Variants in IGBP1C observed in about 807,000 individuals in gnomAD.
IGBP1C encodes IGBP1 family member C.
the IGBP1C span, among the ~76,000 whole-genome samples, chr17:58,668,920 G>A: frequency 6.6e-6 from 1 of 152,126 alleles, no homozygotes; most frequent in Non-Finnish European, 1.5e-5. Context: ...GCAAGTGAGT[G>A]TCATTTGTTC....
chr17:58,683,837 C>A, the IGBP1C span, among the ~76,000 whole-genome samples: 1 of 151,340 alleles, frequency 6.6e-6, no homozygotes, highest in African/African-American at 2.4e-5. Context: ...GAGGCTGAGG[C>A]GGGCGGATCA....
the IGBP1C span, among the ~76,000 whole-genome samples, chr17:58,685,868 A>C: frequency 1.3e-5 from 2 of 151,378 alleles, no homozygotes; most frequent in East Asian, 3.9e-4. Context: ...GGTGGTGTGC[A>C]CCTGTAATCC....
the IGBP1C span, among the ~76,000 whole-genome samples, chr17:58,680,463 C>T: frequency 9.2e-5 from 14 of 152,080 alleles, no homozygotes; most frequent in Admixed American, 3.3e-4. Flanking sequence ...TGAAGCAGGC[C>T]GGACGCTGTG....
chr17:58,687,943 T>A, the IGBP1C span, among the ~76,000 whole-genome samples: 20 of 152,214 alleles, frequency 1.3e-4, no homozygotes, highest in Non-Finnish European at 2.1e-4. Flanking sequence ...TTGTTTACCC[T>A]GTCATCTGGC....
the IGBP1C span, chr17:58,660,650 T>C: frequency 1.3e-6 from 1 of 786,942 alleles, no homozygotes; most frequent in Non-Finnish European, 2.4e-6. Flanking sequence ...TCGAGCTCTT[T>C]GGAGTGTTTG....
the IGBP1C span, among the ~76,000 whole-genome samples, chr17:58,672,667 A>T: frequency 6.6e-6 from 1 of 151,528 alleles, no homozygotes; most frequent in Non-Finnish European, 1.5e-5. Flanking sequence ...CTGGCCTCGA[A>T]CTCCTTGGCC....
At chr17:58,683,480 T>C in the IGBP1C span, among the ~76,000 whole-genome samples, 1 of 149,540 alleles carries the variant, frequency 6.7e-6, no homozygotes, top group Non-Finnish European at 1.5e-5. Flanking sequence ...GAGACAGAAT[T>C]GGCCAGGTGC....
the IGBP1C span, among the ~76,000 whole-genome samples, chr17:58,678,075 G>T: frequency 1.4e-4 from 21 of 152,154 alleles, no homozygotes; most frequent in Non-Finnish European, 2.5e-4. Flanking sequence ...GCTTGAACCT[G>T]GTAGGCAGAG....
chr17:58,661,236 G>A, the IGBP1C span: 17 of 794,334 alleles, frequency 2.1e-5, no homozygotes, highest in Non-Finnish European at 3.7e-5. Context: ...TCGGCCACAC[G>A]ATAGTAATGG....
the IGBP1C span, among the ~76,000 whole-genome samples, chr17:58,662,258 G>A: frequency 3.3e-5 from 5 of 151,834 alleles, no homozygotes; most frequent in African/African-American, 4.8e-5. Context: ...AGACCATCCT[G>A]GCTAACACGG....
the IGBP1C span, chr17:58,675,366 T>C: frequency 3.9e-5 from 6 of 154,568 alleles, no homozygotes; most frequent in African/African-American, 1.2e-4. Context: ...GCCTTGAGTG[T>C]GTTGAGCCCA....
the IGBP1C span, among the ~76,000 whole-genome samples, chr17:58,670,800 A>G: frequency 7.2e-3 from 1,014 of 140,272 alleles, 18 homozygotes; most frequent in African/African-American, 0.025. Flanking sequence ...AAAAAAAAAA[A>G]GTGACTATAC....
At chr17:58,680,497 T>C in the IGBP1C span, among the ~76,000 whole-genome samples, 1 of 152,130 alleles carries the variant, frequency 6.6e-6, no homozygotes, top group Admixed American at 6.6e-5. Context: ...ATCCCAGCCC[T>C]TTGGGAGGCC....
the IGBP1C span, among the ~76,000 whole-genome samples, chr17:58,666,901 A>G: frequency 6.6e-6 from 1 of 152,118 alleles, no homozygotes; most frequent in Non-Finnish European, 1.5e-5. Flanking sequence ...TTTAATCTAC[A>G]TACTCCACCT....
the IGBP1C span, chr17:58,692,000 T>C: frequency 2.6e-5 from 4 of 153,770 alleles, no homozygotes; most frequent in African/African-American, 7.2e-5. Context: ...GTAACCTCCA[T>C]GCTCGGGATA....
the IGBP1C span, among the ~76,000 whole-genome samples, chr17:58,689,659 T>C: frequency 6.6e-6 from 1 of 152,046 alleles, no homozygotes. Context: ...CCCTGAAAGA[T>C]TTTTTTTGAG....
chr17:58,678,759 C>CA, the IGBP1C span, among the ~76,000 whole-genome samples: 4 of 150,958 alleles, frequency 2.6e-5, no homozygotes, highest in Non-Finnish European at 4.4e-5. Flanking sequence ...ACCAACATGG[C>CA]ACATGTATAC....
the IGBP1C span, among the ~76,000 whole-genome samples, chr17:58,678,659 C>T: frequency 6.6e-6 from 1 of 151,862 alleles, no homozygotes; most frequent in East Asian, 1.9e-4. Context: ...GAACATCATA[C>T]ACCAGGGTCT....
chr17:58,666,487 A>C, the IGBP1C span: 631 of 96,354 alleles, frequency 6.5e-3, 7 homozygotes, highest in African/African-American at 0.022. Flanking sequence ...AAAAAAAAAA[A>C]GCAAAAGCTA....
Sources: gnomAD v4.1 joint callset for allele counts (sites outside exome capture counted in the v4.1 genomes callset) on GRCh38, gnomAD v4.1.1 for gene constraint, MANE v1.5 for transcripts, NCBI Gene and HGNC (gene_info 2026-07-23, HGNC 2026-07-21) for gene names.